SH3BP4: variants seen among roughly 807,000 people sequenced by gnomAD.
SH3BP4 encodes the protein SH3 domain-binding protein 4.
Under a neutral mutation model 65.5 loss-of-function variants are expected in SH3BP4, and 33 were observed. The observed-to-expected ratio is 0.50, with a 90% confidence interval of 0.38 to 0.67. SH3BP4 has a LOEUF of 0.67. Ranked by LOEUF, SH3BP4 falls within the 30% of genes least tolerant of loss-of-function variation. SH3BP4 has a pLI of 0.00. For synonymous variants in SH3BP4, 552 were observed against 545.5 expected, an observed-to-expected ratio of 1.01 and a Z score of -0.17; for missense variants, 1,134 against 1,261.4, an observed-to-expected ratio of 0.90 and a Z score of 1.53.
At chr2:235,001,862 T>TG (rs1694111013) in intron 2 of SH3BP4, among the ~76,000 whole-genome samples, 1 of 152,204 alleles carries the variant, frequency 6.6e-6, no homozygotes, top group Non-Finnish European at 1.5e-5. Flanking sequence ...TTTTGTTTTT[T>TG]GTTTTTTATT....
intron 4 of SH3BP4, 26 bp downstream of exon 4, chr2:235,043,273 G>T (rs371390374): frequency 6.6e-7 from 1 of 1,521,390 alleles, no homozygotes; most frequent in South Asian, 1.3e-5. Context: ...GTGCCTGGGC[G>T]TTCAGGGGTG....
intron 5 of SH3BP4, among the ~76,000 whole-genome samples, 180 bp from the exon 6 acceptor site, chr2:235,053,412 G>A (rs1696125314): frequency 6.6e-6 from 1 of 152,166 alleles, no homozygotes; most frequent in African/African-American, 2.4e-5. Context: ...CCTCTGGAAT[G>A]TGCTGACCCT....
At chr2:235,038,291 T>TATATATAGTATATATA (rs1695472198) in intron 3 of SH3BP4, among the ~76,000 whole-genome samples, 2 of 19,306 alleles carry the variant, frequency 1.0e-4, no homozygotes, top group African/African-American at 1.3e-3. Context: ...TTATATATAA[T>TATATATAGTATATATA]ATATATATTA....
At chr2:234,968,686 C>T (rs990066663) in intron 1 of SH3BP4, among the ~76,000 whole-genome samples, 2 of 152,122 alleles carry the variant, frequency 1.3e-5, no homozygotes, top group Non-Finnish European at 2.9e-5. Context: ...GCTTGGGTTT[C>T]CCTGTGTGGC....
intron 2 of SH3BP4, among the ~76,000 whole-genome samples, chr2:235,024,917 A>G (rs987610794): frequency 6.6e-6 from 1 of 151,706 alleles, no homozygotes; most frequent in African/African-American, 2.4e-5. Context: ...TCTGAGTACA[A>G]CCCTCTGGCC....
At chr2:235,015,547 C>T (rs994589715) in intron 2 of SH3BP4, among the ~76,000 whole-genome samples, 2 of 152,176 alleles carry the variant, frequency 1.3e-5, no homozygotes, top group Admixed American at 6.5e-5. Context: ...GTGGGGAATG[C>T]AAGGATGGTT....
chr2:235,015,298 T>C (rs1193512379), intron 2 of SH3BP4, among the ~76,000 whole-genome samples: 3 of 152,202 alleles, frequency 2.0e-5, no homozygotes, highest in African/African-American at 7.2e-5. Context: ...CTTTGAGCTA[T>C]TATTGAGGAA....
Position 235,026,010 on chromosome 2 carries a change from G to T in SH3BP4, c.-132-8861G>T, listed in dbSNP as rs889392449. 3.3e-5 allele frequency among the ~76,000 whole-genome samples: 5 copies of T among 152,216 alleles called. No homozygotes were observed. Among genetic ancestry groups the T allele is most frequent in the African/African-American group, 7.2e-5 (3 of 41,442 alleles). The stretch of plus-strand genomic sequence containing the variant: ...AAGCTTAGAATGTCTCCCACAGACT[G>T]TGGGGGCCTCTGAAGAGTCTGAAGT... On this transcript the variant is annotated intron_variant, in intron 2 of 5. Coordinates refer to ENST00000392011, the MANE Select transcript of SH3BP4 (RefSeq NM_014521.3). The surrounding 1 kb of genome is among the most constrained non-coding windows in gnomAD (Gnocchi z 4.6).
chr2:235,021,881 G>C (rs1285521863), intron 2 of SH3BP4, among the ~76,000 whole-genome samples: 1 of 152,036 alleles, frequency 6.6e-6, no homozygotes, highest in East Asian at 1.9e-4. Flanking sequence ...GAGTCAGAAG[G>C]GGACAAATTG....
Position 234,977,604 on chromosome 2 carries a change from A to ATC in SH3BP4, c.-206-17698_-206-17697dup, listed in dbSNP as rs974826383. Among the ~76,000 whole-genome samples, 2 of 152,092 alleles carry ATC rather than the reference A, an allele frequency of 1.3e-5. No homozygotes were observed. The highest frequency in any genetic ancestry group is 2.4e-5 in the African/African-American group (1 of 41,416). The stretch of plus-strand genomic sequence containing the variant: ...GTGGCCGTGGTGCCAGCCCCCACTA[A>ATC]TCCCATTAGCGACTTAGGGGTGAGT... On this transcript the variant is annotated intron_variant, in intron 1 of 5. Coordinates refer to ENST00000392011, the MANE Select transcript of SH3BP4 (RefSeq NM_014521.3). The surrounding 1 kb of genome is among the most constrained non-coding windows in gnomAD (Gnocchi z 5.1).
At position 234,991,780 on chromosome 2, in the gene SH3BP4, AATCC is replaced by A. The variant is rs576825613; in HGVS notation, c.-206-3517_-206-3514del. 5.6e-3 allele frequency among the ~76,000 whole-genome samples: 858 copies of A among 152,250 alleles called. 8 individuals carry two copies. Among genetic ancestry groups the A allele is most frequent in the African/African-American group, 0.02 (811 of 41,536 alleles). ...AAGGGGCCAGCGGTCTTGTCCACTG[AATCC>A]ATCCACTGGGACCTCCCGGACATGA... On this transcript the variant is annotated intron_variant, in intron 1 of 5. Coordinates refer to ENST00000392011, the MANE Select transcript of SH3BP4 (RefSeq NM_014521.3). This position sits in a 1 kb window ranked among gnomAD's most constrained non-coding sequence, Gnocchi z 4.2.
chr2:235,053,760 G>A lies in SH3BP4; in HGVS notation c.2836G>A (p.Asp946Asn), dbSNP rs1377008923. 6.2e-7 allele frequency: 1 copy of A among 1,614,178 alleles called. No individual in the cohort carries two copies. Among genetic ancestry groups the A allele is most frequent in the Non-Finnish European group, 8.5e-7 (1 of 1,180,048 alleles). Reference protein sequence around the residue: ...TGTLILVNSLDVLRAAAFSPA... With the variant: ...TGTLILVNSLNVLRAAAFSPA... ...GACTCTGATCTTGGTGAACTCCCTG[G>A]ACGTTCTGAGAGCAGCCGCCTTCAG... Residue 946 changes from aspartate to asparagine, a missense_variant, in exon 6 of 6, where the codon GAC (aspartate) becomes AAC (asparagine). Physicochemically the swap from Asp to Asn is conservative, Grantham distance 23 (BLOSUM62 1). Coordinates refer to ENST00000392011, the MANE Select transcript of SH3BP4 (RefSeq NM_014521.3).
At chr2:234,987,449 C>T (rs994582592) in intron 1 of SH3BP4, among the ~76,000 whole-genome samples, 5 of 152,202 alleles carry the variant, frequency 3.3e-5, no homozygotes, top group African/African-American at 7.2e-5. Context: ...TTGAGGAAAA[C>T]GAGGCCCAGG....
At position 234,978,965 on chromosome 2, in the gene SH3BP4, C is replaced by G. The variant is rs923023474; in HGVS notation, c.-206-16338C>G. 4.6e-5 allele frequency: 7 copies of G among 152,202 alleles called. No individual in the cohort carries two copies. The highest frequency in any genetic ancestry group is 1.7e-4 in the African/African-American group (7 of 41,422). The allele number at this position is 152,202 out of a possible 1,614,324, so 9.4% of individuals were successfully genotyped here. On this transcript the variant is annotated intron_variant, in intron 1 of 5. Transcript: ENST00000392011. This position sits in a 1 kb window ranked among gnomAD's most constrained non-coding sequence, Gnocchi z 4.1. The stretch of plus-strand genomic sequence containing the variant: ...GACAGCAGGATTTCTGGGTGCCGGA[C>G]ATGCTTCTCGGTCAGAGCTGGTGCG...
chr2:235,031,322 G>A (rs1218834916), intron 2 of SH3BP4, among the ~76,000 whole-genome samples: 1 of 152,164 alleles, frequency 6.6e-6, no homozygotes, highest in Non-Finnish European at 1.5e-5. Context: ...GTTCAGGGGA[G>A]TGGCCATACC....
intron 2 of SH3BP4, among the ~76,000 whole-genome samples, chr2:235,001,226 G>A (rs1423337024): frequency 6.6e-6 from 1 of 152,200 alleles, no homozygotes; most frequent in Non-Finnish European, 1.5e-5. Flanking sequence ...CCCTTGGCGT[G>A]GCCCTTTGAG....
intron 1 of SH3BP4, among the ~76,000 whole-genome samples, chr2:234,963,799 T>C (rs1692773660): frequency 6.6e-6 from 1 of 152,172 alleles, no homozygotes; most frequent in South Asian, 2.1e-4. Context: ...CAGAGTGATT[T>C]TGTGGCTGTG....
At chr2:234,995,136 G>A (rs1213822556) in intron 1 of SH3BP4, among the ~76,000 whole-genome samples, 167 bp from the exon 2 acceptor site, 1 of 152,248 alleles carries the variant, frequency 6.6e-6, no homozygotes, top group Non-Finnish European at 1.5e-5. Context: ...TTCAGAAGGG[G>A]ACCTGGGGGC....
intron 2 of SH3BP4, among the ~76,000 whole-genome samples, chr2:235,001,748 T>C (rs1349083250): frequency 2.0e-5 from 3 of 152,220 alleles, no homozygotes; most frequent in Non-Finnish European, 4.4e-5. Context: ...ACTGGAGAGA[T>C]GAGTTCTCAC....
Sources: allele counts gnomAD v4.1 joint callset (sites outside exome capture counted in the v4.1 genomes callset), GRCh38; gene constraint gnomAD v4.1.1; non-coding constraint Gnocchi (gnomAD v3.1); transcripts MANE v1.5; gene names NCBI Gene and HGNC (gene_info 2026-07-23, HGNC 2026-07-21).